Variants in MINDY4 observed in about 807,000 individuals in gnomAD.
The protein encoded by MINDY4 is probable ubiquitin carboxyl-terminal hydrolase MINDY-4.
In MINDY4, 68 loss-of-function variants were observed where a neutral mutation model predicts 87.0. The ratio of observed to expected loss-of-function variants is 0.78; its 90% CI spans 0.64 to 0.96. The LOEUF is 0.96. Among genes scored for constraint, MINDY4 ranks in the 40% least tolerant of loss-of-function variants. The pLI is 0.00. For synonymous variants in MINDY4, 379 were observed against 363.2 expected, an observed-to-expected ratio of 1.04 and a Z score of -0.50; for missense variants, 919 against 928.2, an observed-to-expected ratio of 0.99 and a Z score of 0.13.
At chr7:30,815,870 G>T (rs1399823804) in intron 5 of MINDY4, among the ~76,000 whole-genome samples, 1 of 152,164 alleles carries the variant, frequency 6.6e-6, no homozygotes, top group Non-Finnish European at 1.5e-5. Flanking sequence ...GTCTCCCCAA[G>T]GGAAGAGCAA....
chr7:30,888,827 C>G (rs772226319), intron 17 of MINDY4, among the ~76,000 whole-genome samples: 43 of 152,158 alleles, frequency 2.8e-4, no homozygotes, highest in Non-Finnish European at 6.0e-4. Flanking sequence ...TTGGTTATGT[C>G]TGTAGAAAGC....
At position 30,891,989 on chromosome 7, in the gene MINDY4, C is replaced by T; in HGVS notation, c.2258C>T (p.Ser753Leu). ...GGGGCATCAGTGAACTGGAACGGCT[C>T]AGACCCCATCCTGTGACCGTTGGAT... Reference protein sequence around the residue: ...WKGASVNWNGSDPIL With the variant: ...WKGASVNWNGLDPIL Residue 753 changes from serine to leucine, a missense_variant, in exon 18 of 18, where the codon TCA becomes TTA. Ser to Leu is a moderately radical substitution (Grantham distance 145). Coordinates refer to ENST00000265299, the MANE Select transcript of MINDY4 (RefSeq NM_032222.3). The T allele has an allele frequency of 6.2e-7, 1 of 1,614,170 alleles. No homozygotes were observed. Among genetic ancestry groups the T allele is most frequent in the Non-Finnish European group, 8.5e-7 (1 of 1,180,010 alleles).
intron 5 of MINDY4, among the ~76,000 whole-genome samples, chr7:30,799,199 A>C (rs1351051917): frequency 6.6e-6 from 1 of 152,032 alleles, no homozygotes; most frequent in Non-Finnish European, 1.5e-5. Flanking sequence ...TGGCTCCCCA[A>C]TTCTACCCTC....
intron 1 of MINDY4, among the ~76,000 whole-genome samples, chr7:30,776,778 A>G (rs910160108): frequency 3.3e-5 from 5 of 152,102 alleles, no homozygotes; most frequent in Admixed American, 1.3e-4. Context: ...GCCACACTAT[A>G]CATTTATGGT....
chr7:30,842,319 C>G (rs918207646), intron 9 of MINDY4, among the ~76,000 whole-genome samples: 1 of 152,192 alleles, frequency 6.6e-6, no homozygotes, highest in Non-Finnish European at 1.5e-5. Context: ...TCTGGAAGTT[C>G]AGCCCCACAA....
intron 7 of MINDY4, among the ~76,000 whole-genome samples, chr7:30,837,683 G>C (rs1584296090): frequency 6.6e-6 from 1 of 152,164 alleles, no homozygotes; most frequent in African/African-American, 2.4e-5. Flanking sequence ...ACTTATGCTT[G>C]GGGCAGACCC....
At chr7:30,822,865 G>A (rs916913575) in intron 5 of MINDY4, among the ~76,000 whole-genome samples, 30 of 150,980 alleles carry the variant, frequency 2.0e-4, no homozygotes, top group Non-Finnish European at 3.2e-4. Context: ...ACTGTTCTCC[G>A]ACTTCTGGGC....
Position 30,791,464 on chromosome 7 carries a change from C to CA in MINDY4, c.964dup (p.Thr322AsnfsTer14), listed in dbSNP as rs749051508. 6.2e-7 allele frequency: 1 copy of CA among 1,614,102 alleles called. No individual in the cohort carries two copies. Among genetic ancestry groups the CA allele is most frequent in the South Asian group, 1.1e-5 (1 of 91,088 alleles). ...CCCCAGCAGTGGACGGCAGCACAGA[C>CA]ACGGACAGGATGCCCTTGAAGCTCT... On this transcript the variant is annotated frameshift_variant, in exon 5 of 18. Coordinates refer to ENST00000265299, the MANE Select transcript of MINDY4 (RefSeq NM_032222.3). LOFTEE classifies it high-confidence loss of function.
At chr7:30,844,340 C>T (rs1054708084) in intron 9 of MINDY4, among the ~76,000 whole-genome samples, 4 of 152,156 alleles carry the variant, frequency 2.6e-5, no homozygotes, top group African/African-American at 7.2e-5. Context: ...GCTGGGGAGG[C>T]CCAGAGACCG....
At chr7:30,779,430 G>A (rs543409426) in intron 2 of MINDY4, 1 of 152,318 alleles carries the variant, frequency 6.6e-6, no homozygotes, top group South Asian at 2.1e-4. Context: ...TCCAGCAAAT[G>A]TTGCTGTGTG....
chr7:30,805,124 C>T (rs1472829364), intron 5 of MINDY4, among the ~76,000 whole-genome samples: 1 of 152,176 alleles, frequency 6.6e-6, no homozygotes, highest in Non-Finnish European at 1.5e-5. Flanking sequence ...AGGGGTGCAG[C>T]AGGTCTGAGA....
At chr7:30,836,918 C>G (rs761172304) in intron 7 of MINDY4, among the ~76,000 whole-genome samples, 154 bp downstream of exon 7, 1 of 152,094 alleles carries the variant, frequency 6.6e-6, no homozygotes, top group East Asian at 1.9e-4. Context: ...AAATGTGAAC[C>G]GAGAGTCAGG....
At chr7:30,843,822 G>C (rs917840953) in intron 9 of MINDY4, among the ~76,000 whole-genome samples, 1 of 152,224 alleles carries the variant, frequency 6.6e-6, no homozygotes, top group Non-Finnish European at 1.5e-5. Context: ...GGGTCCTGGG[G>C]CTGTGGGGGT....
Position 30,850,438 on chromosome 7 carries a change from C to T in MINDY4, c.1446-16C>T. ...TGTCCACATGGGCATAAATGCCTTCCTTTTCTTGTCCGCAGGGGACTGCAG... is the reference window on the plus strand; with the variant it reads ...TGTCCACATGGGCATAAATGCCTTCTTTTTCTTGTCCGCAGGGGACTGCAG... On this transcript the variant is annotated splice_polypyrimidine_tract_variant and intron_variant, in intron 9 of 17. Transcript: ENST00000265299. 1 of 1,605,298 alleles carries T rather than the reference C, an allele frequency of 6.2e-7. No individual in the cohort carries two copies. The highest frequency in any genetic ancestry group is 8.5e-7 in the Non-Finnish European group (1 of 1,175,740).
intron 5 of MINDY4, among the ~76,000 whole-genome samples, chr7:30,811,626 A>G (rs1212687750): frequency 3.3e-5 from 5 of 152,222 alleles, no homozygotes; most frequent in Non-Finnish European, 7.3e-5. Context: ...CAGACAGCCC[A>G]GCGCCACACC....
At chr7:30,845,533 AAAAG>A (rs199756930) in intron 9 of MINDY4, among the ~76,000 whole-genome samples, 72 of 151,714 alleles carry the variant, frequency 4.7e-4, no homozygotes, top group African/African-American at 1.6e-3. Context: ...AAAAAAAAAA[AAAAG>A]GGCAAGCTCT....
At chr7:30,856,256 A>G (rs970567118) in intron 12 of MINDY4, among the ~76,000 whole-genome samples, 1 of 152,182 alleles carries the variant, frequency 6.6e-6, no homozygotes, top group Non-Finnish European at 1.5e-5. Context: ...TCGCCTTTCA[A>G]TGCAGGCGTG....
In MINDY4 at chr7:30,771,487, C is replaced by G. The variant is rs369008240; in HGVS notation, c.-7C>G. On this transcript the variant is annotated 5_prime_UTR_variant, in exon 1 of 18. Transcript: ENST00000265299. ...TGGGCCTCGTGGGCAGAGCCAGAGC[C>G]AGAGCCATGGACAGCCTCTTCGTGG... 5.0e-6 allele frequency: 8 copies of G among 1,602,986 alleles called. No individual in the cohort carries two copies. Among genetic ancestry groups the G allele is most frequent in the Non-Finnish European group, 6.8e-6 (8 of 1,176,216 alleles).
chr7:30,810,902 G>A (rs942539924), intron 5 of MINDY4, among the ~76,000 whole-genome samples: 13 of 152,050 alleles, frequency 8.5e-5, no homozygotes, highest in African/African-American at 3.1e-4. Context: ...AGACTATAAA[G>A]TCCTCTGTTG....
Sources: gnomAD v4.1 joint callset for allele counts (sites outside exome capture counted in the v4.1 genomes callset) on GRCh38, gnomAD v4.1.1 for gene constraint, MANE v1.5 for transcripts, NCBI Gene and HGNC (gene_info 2026-07-23, HGNC 2026-07-21) for gene names.